RALGPS1: variants seen among roughly 807,000 people sequenced by gnomAD.
RALGPS1 encodes ras-specific guanine nucleotide-releasing factor RalGPS1.
In RALGPS1, 19 loss-of-function variants were observed where a neutral mutation model predicts 78.8. That is an observed-to-expected ratio of 0.24 (90% CI 0.17 to 0.35). RALGPS1 has a LOEUF of 0.35. Ranked by LOEUF, RALGPS1 falls within the 10% of genes least tolerant of loss-of-function variation. The probability of loss-of-function intolerance (pLI) is 1.00; values close to 1 mark genes in which losing one functional copy is unlikely to be tolerated. For synonymous variants in RALGPS1, 228 were observed against 256.3 expected (o/e 0.89, Z 1.06); for missense variants, 454 against 688.3 (o/e 0.66, Z 3.81).
intron 5 of RALGPS1, among the ~76,000 whole-genome samples, chr9:127,041,523 G>C (rs948514378): frequency 3.9e-5 from 6 of 152,192 alleles, no homozygotes; most frequent in African/African-American, 1.4e-4. Context: ...CAGCTATTTT[G>C]TGTTTTAGGC....
At chr9:127,196,747 C>A in intron 13 of RALGPS1, 116 bp downstream of exon 13, 1 of 1,276,856 alleles carries the variant, frequency 7.8e-7, no homozygotes, top group Non-Finnish European at 1.1e-6. Flanking sequence ...CTTGGGGACC[C>A]AGTGGCCCCT....
At position 127,212,775 on chromosome 9, in the gene RALGPS1, T is replaced by C; in HGVS notation, c.1446+56T>C. On this transcript the variant is annotated intron_variant, in intron 16 of 18. Transcript: ENST00000259351. The surrounding 1 kb of genome is among the most constrained non-coding windows in gnomAD (Gnocchi z 6.0). ...GACTTCCTCTAGTGGGGAAGGGACC[T>C]CTGTGAACTGTGGAGGATGGGGGTG... 6.5e-7 allele frequency: 1 copy of C among 1,537,414 alleles called. No individual in the cohort carries two copies. Among genetic ancestry groups the C allele is most frequent in the Non-Finnish European group, 8.9e-7 (1 of 1,118,354 alleles).
Position 127,138,251 on chromosome 9 carries a change from C to T in RALGPS1, c.611-27818C>T, listed in dbSNP as rs537841797. ...ATGTTAGAGCTGTAAGTTCCAACCC[C>T]ATCGTTTATCAGTGAGGAAACTAAG... is the stretch of plus-strand genomic sequence containing the variant. On this transcript the variant is annotated intron_variant, in intron 8 of 18. Transcript: ENST00000259351. Among the ~76,000 whole-genome samples, 14 of 152,330 alleles carry T rather than the reference C, an allele frequency of 9.2e-5. No homozygotes were observed. The South Asian group carries it at 2.9e-3, about 32-fold the overall frequency.
At chr9:127,064,682 A>C (rs552108681) in intron 7 of RALGPS1, among the ~76,000 whole-genome samples, 180 of 152,336 alleles carry the variant, frequency 1.2e-3, no homozygotes, top group Non-Finnish European at 1.9e-3. Context: ...ATGTTGGTTT[A>C]GTTTTCCTGA....
intron 1 of RALGPS1, among the ~76,000 whole-genome samples, chr9:126,929,671 T>G (rs548679705): frequency 2.6e-5 from 4 of 151,772 alleles, no homozygotes; most frequent in Non-Finnish European, 5.9e-5. Context: ...TCCATGTTGG[T>G]CAGGCTGGTC....
chr9:126,977,805 C>A, intron 4 of RALGPS1, 60 bp downstream of exon 4: 1 of 1,262,122 alleles, frequency 7.9e-7, no homozygotes, highest in Non-Finnish European at 1.1e-6. Context: ...GAGGATTTAG[C>A]CAGCCACTGT....
At chr9:126,958,158 TACACACACACAC>T (rs60776038) in intron 1 of RALGPS1, among the ~76,000 whole-genome samples, 3 of 121,118 alleles carry the variant, frequency 2.5e-5, no homozygotes, top group Admixed American at 9.2e-5. Flanking sequence ...TATATATATA[TACACACACACAC>T]ACACATATAT....
Position 127,170,669 on chromosome 9 carries a change from C to T in RALGPS1, c.842+1897C>T, listed in dbSNP as rs146969639. ...AAAGGAGACAATGGTTTTTCATTAA[C>T]ACTAATATGCTTTAGACAGAAAAAT... On this transcript the variant is annotated intron_variant, in intron 10 of 18. Coordinates refer to ENST00000259351, the MANE Select transcript of RALGPS1 (RefSeq NM_014636.3). Among the ~76,000 whole-genome samples, 428 of 152,304 alleles carry T rather than the reference C, an allele frequency of 2.8e-3. 3 individuals carry two copies. Among genetic ancestry groups the T allele is most frequent in the African/African-American group, 9.8e-3 (409 of 41,558 alleles).
At position 127,071,039 on chromosome 9, in the gene RALGPS1, C is replaced by CTATA. The variant is rs750189739; in HGVS notation, c.610+1692_610+1695dup. On this transcript the variant is annotated intron_variant, in intron 8 of 18. Transcript: ENST00000259351. ...TAAATTTGAATCTCTCTCTCTCTCTCTATATATATATACACTAAATACTAA... is the reference window on the plus strand; with the variant it reads ...TAAATTTGAATCTCTCTCTCTCTCTCTATATATATATATATACACTAAATACTAA... Among the ~76,000 whole-genome samples, 262 of 147,386 alleles carry CTATA rather than the reference C, an allele frequency of 1.8e-3. 2 individuals carry two copies. Among genetic ancestry groups the CTATA allele is most frequent in the Admixed American group, 8.8e-3 (130 of 14,734 alleles).
In RALGPS1 at chr9:126,990,107, G is replaced by A. The variant is rs1001544629; in HGVS notation, c.216+12362G>A. 3.8e-6 allele frequency: 5 copies of A among 1,307,234 alleles called. No individual in the cohort carries two copies. In the African/African-American group the frequency reaches 7.4e-5, roughly 19 times the overall value. 81.0% of individuals were successfully genotyped at this position (1,307,234 alleles called of 1,614,324 possible). Reference sequence around the variant, plus strand: ...CGTCGGACAAACCCTGTGTGTCTTTGCTGCTCCTTGGAATCAGTGTTTGGC... The same window carrying A: ...CGTCGGACAAACCCTGTGTGTCTTTACTGCTCCTTGGAATCAGTGTTTGGC... On this transcript the variant is annotated intron_variant, in intron 4 of 18. Transcript: ENST00000259351.
At chr9:127,194,665 G>A (rs1464467318) in intron 11 of RALGPS1, among the ~76,000 whole-genome samples, 1 of 151,906 alleles carries the variant, frequency 6.6e-6, no homozygotes, top group Non-Finnish European at 1.5e-5. Flanking sequence ...CACCTGCCTC[G>A]GCCTCCCAAA....
At chr9:127,132,847 A>T (rs1313763621) in intron 8 of RALGPS1, among the ~76,000 whole-genome samples, 1 of 152,200 alleles carries the variant, frequency 6.6e-6, no homozygotes, top group Non-Finnish European at 1.5e-5. Context: ...TTTTTTCTTC[A>T]TAATCATCAT....
intron 8 of RALGPS1, among the ~76,000 whole-genome samples, chr9:127,070,318 C>G (rs1344983086): frequency 6.6e-6 from 1 of 152,134 alleles, no homozygotes; most frequent in Non-Finnish European, 1.5e-5. Flanking sequence ...GAGTTGGGAA[C>G]CCCTGATTTA....
intron 5 of RALGPS1, among the ~76,000 whole-genome samples, chr9:127,047,947 C>T (rs1400241936): frequency 1.3e-5 from 2 of 152,072 alleles, no homozygotes; most frequent in African/African-American, 4.8e-5. Flanking sequence ...TAATGTCTTC[C>T]TTATCTCCCT....
intron 8 of RALGPS1, among the ~76,000 whole-genome samples, chr9:127,139,412 C>T (rs1399853781): frequency 6.6e-6 from 1 of 152,256 alleles, no homozygotes; most frequent in African/African-American, 2.4e-5. Context: ...TTCATGAACC[C>T]AACCCACCTT....
chr9:126,994,679 A>G (rs2042576351), intron 4 of RALGPS1, among the ~76,000 whole-genome samples: 1 of 152,220 alleles, frequency 6.6e-6, no homozygotes, highest in African/African-American at 2.4e-5. Flanking sequence ...AATACAGAGA[A>G]TGCCACAAAG....
intron 1 of RALGPS1, among the ~76,000 whole-genome samples, chr9:126,959,626 A>T (rs932728147): frequency 6.6e-6 from 1 of 150,670 alleles, no homozygotes; most frequent in Non-Finnish European, 1.5e-5. Flanking sequence ...TATGAAAATT[A>T]TCAAGTACTT....
chr9:127,177,803 G>C, intron 11 of RALGPS1: 1 of 1,540,034 alleles, frequency 6.5e-7, no homozygotes, highest in Non-Finnish European at 8.8e-7. Context: ...AAGTCAGCTG[G>C]GCAGCTAGGA....
chr9:127,067,711 A>G lies in RALGPS1; in HGVS notation c.484-1519A>G, dbSNP rs2049840661. ...TGAAGAACTTGGCCAAAGGGACTCCAACCCTGGGGCTTCTGTTTATTCATG... is the reference window on the plus strand; with the variant it reads ...TGAAGAACTTGGCCAAAGGGACTCCGACCCTGGGGCTTCTGTTTATTCATG... On this transcript the variant is annotated intron_variant, in intron 7 of 18. Coordinates refer to ENST00000259351, the MANE Select transcript of RALGPS1 (RefSeq NM_014636.3). Among the ~76,000 whole-genome samples the G allele has an allele frequency of 2.6e-5, 4 of 152,230 alleles. No homozygotes were observed. In the South Asian group the frequency reaches 8.3e-4, roughly 32 times the overall value.
Sources: allele counts gnomAD v4.1 joint callset (sites outside exome capture counted in the v4.1 genomes callset), GRCh38; gene constraint gnomAD v4.1.1; non-coding constraint Gnocchi (gnomAD v3.1); transcripts MANE v1.5; gene names NCBI Gene and HGNC (gene_info 2026-07-23, HGNC 2026-07-21).